The following GUCY2F variants were observed in gnomAD, a reference collection of about 807,000 sequenced individuals.
The protein encoded by GUCY2F is guanylate cyclase 2F, retinal, also known as retinal guanylyl cyclase 2.
In GUCY2F, 61 loss-of-function variants were observed where a neutral mutation model predicts 73.1. The ratio of observed to expected loss-of-function variants is 0.83; its 90% confidence interval spans 0.68 to 1.03. The LOEUF (loss-of-function observed/expected upper bound fraction) is 1.03. Among genes scored for constraint, GUCY2F ranks in the 50% least tolerant of loss-of-function variants. The pLI, the probability that GUCY2F is intolerant of heterozygous loss-of-function variation, is 0.00. For synonymous variants in GUCY2F, 331 were observed against 307.8 expected, an observed-to-expected ratio of 1.08 and a Z score of -0.79; for missense variants, 912 against 854.3, an observed-to-expected ratio of 1.07 and a Z score of -0.84.
At chrX:109,446,576 A>G (rs1311945601) in intron 6 of GUCY2F, among the ~76,000 whole-genome samples, 1 of 111,085 alleles carries the variant, frequency 9.0e-6, no homozygotes, top group African/African-American at 3.4e-5. Flanking sequence ...AGCCATATGT[A>G]GAAAGCTGAA....
intron 3 of GUCY2F, among the ~76,000 whole-genome samples, chrX:109,457,183 C>T (rs1053680842): frequency 2.7e-5 from 3 of 111,989 alleles, no homozygotes; most frequent in Non-Finnish European, 5.6e-5. Flanking sequence ...TTAGATAGCT[C>T]TACCTGAGGC....
intron 1 of GUCY2F, among the ~76,000 whole-genome samples, chrX:109,476,768 A>AGAT (rs1412563525): frequency 9.6e-6 from 1 of 104,127 alleles, no homozygotes; most frequent in African/African-American, 4.1e-5. Flanking sequence ...ATAGATAGAT[A>AGAT]GATAGACAGA....
At chrX:109,466,428 A>G (rs1049070756) in intron 2 of GUCY2F, among the ~76,000 whole-genome samples, 2 of 111,657 alleles carry the variant, frequency 1.8e-5, no homozygotes, top group African/African-American at 6.5e-5. Context: ...TATGGACTCA[A>G]TTTAATTCTT....
chrX:109,441,563 T>C (rs1931868193), intron 6 of GUCY2F, 81 bp from the exon 7 acceptor site: 1 of 683,615 alleles, frequency 1.5e-6, no homozygotes, highest in Admixed American at 3.7e-5. Flanking sequence ...TTCTTTTTTA[T>C]TCCTAAGAAA....
chrX:109,409,319 G>A, intron 8 of GUCY2F, 151 bp from the exon 9 acceptor site: 1 of 412,144 alleles, frequency 2.4e-6, no homozygotes, highest in Non-Finnish European at 4.2e-6. Context: ...AACCCCTAGT[G>A]TTACTCCTGT....
intron 11 of GUCY2F, 53 bp downstream of exon 11, chrX:109,398,496 G>C: frequency 9.1e-7 from 1 of 1,104,689 alleles, no homozygotes; most frequent in Non-Finnish European, 1.2e-6. Flanking sequence ...GAGTTGGTCT[G>C]ATGATCTCGG....
chrX:109,444,398 C>T (rs1466909530), intron 6 of GUCY2F, among the ~76,000 whole-genome samples: 1 of 112,222 alleles, frequency 8.9e-6, no homozygotes, highest in Non-Finnish European at 1.9e-5. Context: ...AGTTTGGTCA[C>T]TGAGACAACA....
In GUCY2F at chrX:109,398,535, C is replaced by T. The variant is rs756671378; in HGVS notation, c.2275+14G>A. The T allele has an allele frequency of 4.2e-6, 5 of 1,202,290 alleles. No homozygotes were observed. The highest frequency in any genetic ancestry group is 3.5e-5 in the African/African-American group (2 of 57,526). On this transcript the variant is annotated intron_variant, in intron 11 of 19. Coordinates refer to ENST00000218006, the MANE Select transcript of GUCY2F (RefSeq NM_001522.3). ...TGGTGGACCCCTGGGGCCCTTTTCT[C>T]ACCTCCCGCTTACCTTGAGCTGGCA...
intron 11 of GUCY2F, among the ~76,000 whole-genome samples, chrX:109,397,962 T>G (rs1930750222): frequency 9.0e-6 from 1 of 111,575 alleles, no homozygotes; most frequent in South Asian, 3.8e-4. Flanking sequence ...TAATCTTGAT[T>G]GCTTGTTTAA....
intron 3 of GUCY2F, among the ~76,000 whole-genome samples, chrX:109,462,882 G>T (rs762498401): frequency 9.0e-6 from 1 of 111,611 alleles, no homozygotes; most frequent in Admixed American, 9.5e-5. Flanking sequence ...TGGTTTGACC[G>T]ACCATTTTTA....
chrX:109,450,696 G>A (rs1481781244), intron 5 of GUCY2F, among the ~76,000 whole-genome samples: 2 of 112,307 alleles, frequency 1.8e-5, no homozygotes, highest in African/African-American at 6.5e-5. Flanking sequence ...TTTATCAAGT[G>A]TTTTAACAAT....
chrX:109,404,288 T>C lies in GUCY2F; in HGVS notation c.2125+40A>G, dbSNP rs750033572. 9 of 998,470 alleles carry C rather than the reference T, an allele frequency of 9.0e-6. No individual in the cohort carries two copies. The East Asian group carries it at 2.9e-4, about 32-fold the overall frequency. 82.3% of individuals were successfully genotyped at this position (998,470 alleles called of 1,213,427 possible). A position where few individuals can be genotyped will look rare whatever the true frequency, so the allele number is the denominator to read the frequency against. ...GCATATTTTCATTTGAACTTTGGAG[T>C]TACCTCGTGTGCATCAGAAGGGTAC... On this transcript the variant is annotated intron_variant, in intron 10 of 19. Transcript: ENST00000218006.
At chrX:109,408,412 G>A (rs1931023616) in intron 9 of GUCY2F, among the ~76,000 whole-genome samples, 1 of 112,250 alleles carries the variant, frequency 8.9e-6, no homozygotes, top group African/African-American at 3.2e-5. Flanking sequence ...ATGAGACTTT[G>A]GACTGTGGAC....
In GUCY2F at chrX:109,439,446, T is replaced by G. The variant is rs1419354602; in HGVS notation, c.1701+1905A>C. ...ATCTCCTTATCAAACTTTTTTTTTG[T>G]CACACTCTTGGTTTTCTCTCCTAAA... On this transcript the variant is annotated intron_variant, in intron 7 of 19. Coordinates refer to ENST00000218006, the MANE Select transcript of GUCY2F (RefSeq NM_001522.3). Among the ~76,000 whole-genome samples the G allele has an allele frequency of 9.8e-5, 11 of 111,788 alleles. No individual in the cohort carries two copies. The Admixed American group carries it at 1.0e-3, about 11-fold the overall frequency.
intron 7 of GUCY2F, among the ~76,000 whole-genome samples, chrX:109,437,584 G>A (rs1218884262): frequency 8.9e-6 from 1 of 112,661 alleles, no homozygotes; most frequent in African/African-American, 3.2e-5. Context: ...AGATCTGTTA[G>A]ACCAGCAATT....
In GUCY2F at chrX:109,470,525, T is replaced by C. The variant is rs187282256; in HGVS notation, c.730+4682A>G. Among the ~76,000 whole-genome samples the C allele has an allele frequency of 1.3e-3, 145 of 111,246 alleles. No homozygotes were observed. The Middle Eastern group carries it at 0.014, about 11-fold the overall frequency. ...GGGTCCAAAAGTTAAGAAAGAAAGG[T>C]GGAAGGGCTGAATTATATGCCACAT... On this transcript the variant is annotated intron_variant, in intron 2 of 19. Coordinates refer to ENST00000218006, the MANE Select transcript of GUCY2F (RefSeq NM_001522.3).
chrX:109,406,555 A>T (rs910761870), intron 9 of GUCY2F, among the ~76,000 whole-genome samples: 1 of 111,503 alleles, frequency 9.0e-6, no homozygotes, highest in Non-Finnish European at 1.9e-5. Flanking sequence ...ATCATATAAC[A>T]GATATGGACA....
At chrX:109,447,830 C>A (rs182794578) in intron 6 of GUCY2F, among the ~76,000 whole-genome samples, 1 of 109,294 alleles carries the variant, frequency 9.1e-6, no homozygotes, top group Non-Finnish European at 1.9e-5. Context: ...ATACTTTAAC[C>A]CAATATATCT....
Position 109,404,417 on chromosome X carries a change from T to C in GUCY2F, c.2036A>G (p.Asp679Gly), listed in dbSNP as rs1007902203. The C allele has an allele frequency of 2.5e-6, 3 of 1,187,427 alleles. No individual in the cohort carries two copies. The highest frequency in any genetic ancestry group is 1.8e-5 in the African/African-American group (1 of 56,834). Residue 679 changes from aspartate (D) to glycine (G), a missense_variant, in exon 10 of 20, where the codon GAT becomes GGT. Physicochemically the swap from Asp to Gly is moderately conservative, Grantham distance 94. Transcript: ENST00000218006. ...TGTCACTTTTAGTACAAAACGCCCA[T>C]CTACCACACAGTTTCGAGACTTTAG... is the stretch of plus-strand genomic sequence containing the variant. ...GRLKSRNCVV[D>G]GRFVLKVTDY...
Sources: allele counts gnomAD v4.1 joint callset (sites outside exome capture counted in the v4.1 genomes callset), GRCh38; gene constraint gnomAD v4.1.1; transcripts MANE v1.5; gene names NCBI Gene and HGNC (gene_info 2026-07-23, HGNC 2026-07-21).